TTC3: variants seen among roughly 807,000 people sequenced by gnomAD.
TTC3 encodes the protein tetratricopeptide repeat domain 3.
Under a neutral mutation model 249.6 loss-of-function variants are expected in TTC3, and 180 were observed. The ratio of observed to expected loss-of-function variants is 0.72; its 90% CI spans 0.64 to 0.82. The LOEUF (loss-of-function observed/expected upper bound fraction) is 0.82. Among genes scored for constraint, TTC3 ranks in the 40% least tolerant of loss-of-function variants. The pLI is 0.00. For missense variants in TTC3, 2,061 were observed against 2,398.4 expected, an observed-to-expected ratio of 0.86 and a Z score of 2.94; for synonymous variants, 717 against 805.0, an observed-to-expected ratio of 0.89 and a Z score of 1.85.
intron 22 of TTC3, 68 bp downstream of exon 22, chr21:37,147,671 CTGTAAT>C: frequency 6.5e-7 from 1 of 1,533,222 alleles, no homozygotes; most frequent in Non-Finnish European, 8.7e-7. Context: ...TCAAAACAAT[CTGTAAT>C]TGGAGGCACC....
At position 37,151,385 on chromosome 21, in the gene TTC3, G is replaced by A. The variant is rs190600470; in HGVS notation, c.2276+501G>A. ...TCTTTTTTCTTTTCTTTTTGGTCCT[G>A]CTTCTTGTTTTTCTTTCTAAGAAGT... On this transcript the variant is annotated intron_variant, in intron 25 of 45. Coordinates refer to ENST00000355666, the Ensembl canonical transcript of TTC3. Among the ~76,000 whole-genome samples, 222 of 151,836 alleles carry A rather than the reference G, an allele frequency of 1.5e-3. 2 individuals are homozygous for A. The highest frequency in any genetic ancestry group is 4.9e-3 in the African/African-American group (203 of 41,444).
intron 33 of TTC3, 91 bp from the exon 34 acceptor site, chr21:37,167,464 G>T: frequency 3.4e-6 from 3 of 894,524 alleles, no homozygotes; most frequent in Non-Finnish European, 3.4e-6. Context: ...TGAAAAAATT[G>T]TGGGTGTGTT....
chr21:37,171,231 G>A (rs1202580427), intron 34 of TTC3, among the ~76,000 whole-genome samples: 1 of 152,162 alleles, frequency 6.6e-6, no homozygotes, highest in East Asian at 1.9e-4. Context: ...CAGTGCTTTT[G>A]ACCATCAAAT....
chr21:37,135,896 C>A (rs189469207), intron 18 of TTC3, among the ~76,000 whole-genome samples: 62 of 152,272 alleles, frequency 4.1e-4, no homozygotes, highest in Admixed American at 2.8e-3. Flanking sequence ...AGATTTGTGG[C>A]AACCCTGTGT....
intron 1 of TTC3, among the ~76,000 whole-genome samples, chr21:37,076,146 ATGTAT>A (rs911745109): frequency 2.6e-5 from 4 of 152,170 alleles, no homozygotes; most frequent in Admixed American, 6.5e-5. Flanking sequence ...TCCCTCAAAA[ATGTAT>A]TGTATGGTTT....
chr21:37,155,518 G>A (rs961666103), intron 27 of TTC3, among the ~76,000 whole-genome samples: 4 of 152,144 alleles, frequency 2.6e-5, no homozygotes, highest in Admixed American at 6.6e-5. Context: ...TAATTTTCCT[G>A]CAACATGATC....
At chr21:37,190,324 T>C (rs1438771650) in intron 39 of TTC3, among the ~76,000 whole-genome samples, 1 of 151,446 alleles carries the variant, frequency 6.6e-6, no homozygotes, top group Non-Finnish European at 1.5e-5. Context: ...TTAGTAGAGA[T>C]AGCATTTCAC....
rs369637055 is a variant in TTC3 at position 37,087,883 on chromosome 21, C to T, written c.187+8C>T. ...AAAGTGAGAGGAATTTGGGTGAGTA[C>T]GTTGGTATTTTTAATGTTAATTTAT... On this transcript the variant is annotated splice_region_variant and intron_variant, in intron 3 of 45. Coordinates refer to ENST00000355666, the Ensembl canonical transcript of TTC3. 62 of 1,592,000 alleles carry T rather than the reference C, an allele frequency of 3.9e-5. No homozygotes were observed. The African/African-American group carries it at 5.4e-4, about 14-fold the overall frequency.
chr21:37,083,394 G>C (rs2071975476), intron 1 of TTC3: 2 of 985,330 alleles, frequency 2.0e-6, no homozygotes, highest in African/African-American at 3.5e-5. Flanking sequence ...GATATGATCA[G>C]AGTTTTAGAG....
intron 1 of TTC3, chr21:37,085,702 G>GTTA (rs2072369921): frequency 6.6e-6 from 1 of 152,244 alleles, no homozygotes; most frequent in African/African-American, 2.4e-5. Flanking sequence ...TAGTTGAGGA[G>GTTA]GTTGTTAAAC....
intron 1 of TTC3, among the ~76,000 whole-genome samples, chr21:37,081,109 CTTTTTTTTTTTTTT>C (rs58809719): frequency 1.2e-4 from 7 of 58,164 alleles, no homozygotes; most frequent in Middle Eastern, 0.012. Flanking sequence ...TTATTTATGC[CTTTTTTTTTTTTTT>C]TTTTTTTTTT....
intron 34 of TTC3, among the ~76,000 whole-genome samples, chr21:37,168,031 A>G (rs766307121): frequency 6.6e-6 from 1 of 152,130 alleles, no homozygotes; most frequent in Non-Finnish European, 1.5e-5. Context: ...CTTCTCTACT[A>G]TAATAATGAT....
At chr21:37,148,867 C>T (rs1222098298) in intron 23 of TTC3, among the ~76,000 whole-genome samples, 1 of 152,058 alleles carries the variant, frequency 6.6e-6, no homozygotes, top group Non-Finnish European at 1.5e-5. Context: ...CACTGTGTTG[C>T]CCAGGCTAGA....
chr21:37,156,654 G>A lies in TTC3; in HGVS notation c.2741-1G>A. 6.2e-7 allele frequency: 1 copy of A among 1,608,598 alleles called. No individual in the cohort carries two copies. The highest frequency in any genetic ancestry group is 8.5e-7 in the Non-Finnish European group (1 of 1,177,550). ...TGATTTGGGTTTTGTTTTTATTACAGGCTTAGATGCCACAGGAACTTTCTT... is the reference window on the plus strand; with the variant it reads ...TGATTTGGGTTTTGTTTTTATTACAAGCTTAGATGCCACAGGAACTTTCTT... On this transcript the variant is annotated splice_acceptor_variant, in intron 27 of 45. Coordinates refer to ENST00000355666, the Ensembl canonical transcript of TTC3. LOFTEE classifies it high-confidence loss of function.
chr21:37,154,734 T>A (rs546975705), intron 27 of TTC3, among the ~76,000 whole-genome samples: 1 of 152,282 alleles, frequency 6.6e-6, no homozygotes, highest in Middle Eastern at 3.4e-3. Context: ...GTCGCTCTGT[T>A]GCCCAGGCTG....
exon 20 of TTC3, chr21:37,140,615 G>C (rs1204920831): frequency 6.2e-7 from 1 of 1,606,396 alleles, no homozygotes; most frequent in Admixed American, 1.7e-5. Flanking sequence ...CTACCCCAGT[G>C]AGGGCCTTGA....
Position 37,195,805 on chromosome 21 carries a change from C to T in TTC3, c.5348C>T (p.Pro1783Leu), listed in dbSNP as rs763622650. 6 of 1,614,088 alleles carry T rather than the reference C, an allele frequency of 3.7e-6. No individual in the cohort carries two copies. In the African/African-American group the frequency reaches 8.0e-5, roughly 22 times the overall value. The change falls in exon 42 of 46, where the codon CCA becomes CTA. Residue 1783 changes from proline to leucine, a missense_variant. Physicochemically the swap from Pro to Leu is moderately conservative, Grantham distance 98. Around this residue, in one of 3 missense-constraint regions of TTC3, gnomAD observed 1,040 missense variants for 1,186.1 expected, o/e 0.88. Coordinates refer to ENST00000355666, the Ensembl canonical transcript of TTC3. Reference sequence around the variant, plus strand: ...AGTGTGTTCTCTGCTGGTGATTCCCCAGGGGAGGCTCCTTCTGCGCTGTTG... The same window carrying T: ...AGTGTGTTCTCTGCTGGTGATTCCCTAGGGGAGGCTCCTTCTGCGCTGTTG...
At chr21:37,198,107 A>G in intron 44 of TTC3, 82 bp downstream of exon 44, 1 of 1,441,374 alleles carries the variant, frequency 6.9e-7, no homozygotes, top group African/African-American at 1.4e-5. Flanking sequence ...AGCCCCATTC[A>G]TTTCTAGACC....
chr21:37,195,046 C>T (rs1348463499), intron 41 of TTC3: 2 of 152,324 alleles, frequency 1.3e-5, no homozygotes, highest in Non-Finnish European at 1.5e-5. Flanking sequence ...TCCAGGAGTA[C>T]TAGGGGAAGA....
Sources: allele counts gnomAD v4.1 joint callset (sites outside exome capture counted in the v4.1 genomes callset), GRCh38; gene constraint gnomAD v4.1.1; regional missense constraint gnomAD v4.1.1; transcripts MANE v1.5; gene names NCBI Gene and HGNC (gene_info 2026-07-23, HGNC 2026-07-21).